SYTL2: variants seen among roughly 807,000 people sequenced by gnomAD.
SYTL2 encodes the protein synaptotagmin like 2.
SYTL2 carries 165 observed loss-of-function variants against 198.7 expected under a neutral mutation model. The ratio of observed to expected loss-of-function variants is 0.83; its 90% confidence interval spans 0.73 to 0.94. The LOEUF (loss-of-function observed/expected upper bound fraction) is 0.94, where lower values mean the gene tolerates loss of function less well. Ranked by LOEUF, SYTL2 falls within the 40% of genes least tolerant of loss-of-function variation. The probability of loss-of-function intolerance (pLI) is 0.00; values close to 1 mark genes in which losing one functional copy is unlikely to be tolerated. For missense variants in SYTL2, 2,835 were observed against 2,582.8 expected (o/e 1.10, Z -2.12); for synonymous variants, 966 against 917.7 (o/e 1.05, Z -0.95).
chr11:85,761,999 G>A (rs1418166100), intron 1 of SYTL2, among the ~76,000 whole-genome samples: 1 of 152,220 alleles, frequency 6.6e-6, no homozygotes, highest in Non-Finnish European at 1.5e-5. Flanking sequence ...CATGAGGAGA[G>A]TGAGGCTGAG....
intron 17 of SYTL2, 33 bp downstream of exon 17, chr11:85,700,482 G>C (rs764735111): frequency 6.5e-7 from 1 of 1,527,446 alleles, no homozygotes; most frequent in Non-Finnish European, 9.1e-7. Flanking sequence ...GATAAGGAAA[G>C]GACATAAATC....
At chr11:85,830,602 C>T in the SYTL2 span, among the ~76,000 whole-genome samples, 1 of 152,058 alleles carries the variant, frequency 6.6e-6, no homozygotes, top group African/African-American at 2.4e-5. Flanking sequence ...TTTGCTCAGC[C>T]CACAAAGGGG....
chr11:85,752,941 A>AC (rs2091617750), intron 2 of SYTL2, among the ~76,000 whole-genome samples: 1 of 144,644 alleles, frequency 6.9e-6, no homozygotes, highest in Non-Finnish European at 1.5e-5. Context: ...AAAAAAAAAA[A>AC]AAAAAAAAAA....
chr11:85,753,548 A>G (rs1278397012), intron 2 of SYTL2, among the ~76,000 whole-genome samples: 1 of 152,110 alleles, frequency 6.6e-6, no homozygotes, highest in Non-Finnish European at 1.5e-5. Flanking sequence ...TAGGAACTGG[A>G]TATGTCTCTG....
rs772187492 is a variant in SYTL2 at position 85,725,866 on chromosome 11, A to C, written c.3492T>G (p.Ser1164Arg). The change falls in exon 8 of 20, where the codon AGT becomes AGG. Residue 1164 changes from serine to arginine, a missense_variant. Transcript: ENST00000359152. Reference protein sequence around the residue: ...KVHGKQVLEPSVSENRTWPQK... With the variant: ...KVHGKQVLEPRVSENRTWPQK... ...GAGGCCATGTCCTATTTTCAGAAAC[A>C]CTTGGTTCAAGCACTTGTTTTCCAT... 13 of 1,613,904 alleles carry C rather than the reference A, an allele frequency of 8.1e-6. No individual in the cohort carries two copies. In the South Asian group the frequency reaches 1.4e-4, roughly 18 times the overall value.
At chr11:85,832,318 T>G in the SYTL2 span, among the ~76,000 whole-genome samples, 1 of 152,212 alleles carries the variant, frequency 6.6e-6, no homozygotes, top group South Asian at 2.1e-4. Flanking sequence ...TTAAATAATT[T>G]AGACATGTTT....
chr11:85,698,090 AAAG>A lies in SYTL2; in HGVS notation c.6269-15_6269-13del, dbSNP rs2083679889. ...AGGAAGCTTTTTACCTACAATAGAA[AAAG>A]AAGAGAAAATTTTCACTGCCAGTTC... On this transcript the variant is annotated splice_polypyrimidine_tract_variant and intron_variant, in intron 17 of 19. Coordinates refer to ENST00000359152, the MANE Select transcript of SYTL2 (RefSeq NM_206927.4). The A allele has an allele frequency of 6.3e-7, 1 of 1,592,128 alleles. No individual in the cohort carries two copies. The highest frequency in any genetic ancestry group is 8.6e-7 in the Non-Finnish European group (1 of 1,161,698).
At chr11:85,801,946 C>G (rs758081029) in intron 1 of SYTL2, among the ~76,000 whole-genome samples, 1 of 151,748 alleles carries the variant, frequency 6.6e-6, no homozygotes, top group Non-Finnish European at 1.5e-5. Flanking sequence ...TCCAGAGTAG[C>G]TGGGATTACA....
chr11:85,846,961 T>C, the SYTL2 span, among the ~76,000 whole-genome samples: 1 of 152,192 alleles, frequency 6.6e-6, no homozygotes, highest in African/African-American at 2.4e-5. Context: ...CTCAAACTCC[T>C]GACCTCAGGT....
chr11:85,698,627 T>A (rs950230027), intron 17 of SYTL2, among the ~76,000 whole-genome samples: 11 of 152,132 alleles, frequency 7.2e-5, no homozygotes, highest in African/African-American at 2.7e-4. Context: ...AGCCTCAACC[T>A]CCTGGGCTCA....
the SYTL2 span, among the ~76,000 whole-genome samples, chr11:85,839,503 C>G: frequency 1.3e-5 from 2 of 152,170 alleles, no homozygotes; most frequent in African/African-American, 4.8e-5. Flanking sequence ...CAATTGTTTT[C>G]ATTTCTAGAC....
At chr11:85,838,657 A>T in the SYTL2 span, among the ~76,000 whole-genome samples, 1 of 152,018 alleles carries the variant, frequency 6.6e-6, no homozygotes, top group Non-Finnish European at 1.5e-5. Flanking sequence ...TCTCAAGAGA[A>T]CTCACTATGG....
chr11:85,844,659 C>A, the SYTL2 span, among the ~76,000 whole-genome samples: 3 of 152,166 alleles, frequency 2.0e-5, no homozygotes, highest in Admixed American at 1.3e-4. Flanking sequence ...CCAGTCACTG[C>A]AATCTTGCAA....
chr11:85,787,274 T>G (rs1045520091), intron 1 of SYTL2, among the ~76,000 whole-genome samples: 1 of 152,178 alleles, frequency 6.6e-6, no homozygotes, highest in Admixed American at 6.5e-5. Flanking sequence ...GAAGGAGACA[T>G]GGTGTTCATA....
chr11:85,830,800 T>C, the SYTL2 span, among the ~76,000 whole-genome samples: 45 of 152,246 alleles, frequency 3.0e-4, no homozygotes, highest in African/African-American at 1.0e-3. Context: ...ACTTACTCAT[T>C]AACACATTTT....
At chr11:85,750,811 C>T (rs2153532904) in intron 2 of SYTL2, among the ~76,000 whole-genome samples, 1 of 152,234 alleles carries the variant, frequency 6.6e-6, no homozygotes, top group South Asian at 2.1e-4. Flanking sequence ...CCTGATGCAG[C>T]AGGACATGCT....
At chr11:85,729,327 C>G (rs2089569221) in intron 7 of SYTL2, among the ~76,000 whole-genome samples, 1 of 152,218 alleles carries the variant, frequency 6.6e-6, no homozygotes, top group East Asian at 1.9e-4. Flanking sequence ...TAAAATTGAC[C>G]ACATAATTGG....
rs1566026080 is a variant in SYTL2 at position 85,789,356 on chromosome 11, A to ATG, written c.-390+21597_-390+21598insCA. 3.2e-3 allele frequency among the ~76,000 whole-genome samples: 187 copies of ATG among 58,012 alleles called. 3 individuals carry two copies. Among genetic ancestry groups the ATG allele is most frequent in the African/African-American group, 0.011 (165 of 14,368 alleles). The allele number at this position is 58,012 out of a possible 152,430, so 38.1% of individuals were successfully genotyped here. On this transcript the variant is annotated intron_variant, in intron 1 of 19. Coordinates refer to ENST00000359152, the MANE Select transcript of SYTL2 (RefSeq NM_206927.4). ...TGTGTGTGTGTATATATATATATAT[A>ATG]TATATATATATATATATATATGTAT...
intron 9 of SYTL2, chr11:85,719,394 T>G (rs2153451106): frequency 1.0e-6 from 1 of 997,508 alleles, no homozygotes; most frequent in Non-Finnish European, 1.2e-6. Context: ...CGTCAGCTGA[T>G]GGTGATTTTT....
Sources: gnomAD v4.1 joint callset for allele counts (sites outside exome capture counted in the v4.1 genomes callset) on GRCh38, gnomAD v4.1.1 for gene constraint, MANE v1.5 for transcripts, NCBI Gene and HGNC (gene_info 2026-07-23, HGNC 2026-07-21) for gene names.